MAP3K14: variants seen among roughly 807,000 people sequenced by gnomAD.
MAP3K14 encodes the protein mitogen-activated protein kinase kinase kinase 14, also known as NF-kappa-beta-inducing kinase.
MAP3K14 carries 16 observed loss-of-function variants against 99.2 expected under a neutral mutation model. The ratio of observed to expected loss-of-function variants is 0.16; its 90% CI spans 0.11 to 0.24. The LOEUF (loss-of-function observed/expected upper bound fraction) is 0.24, where lower values mean the gene tolerates loss of function less well. MAP3K14 is among the 10% of genes least tolerant of loss of function. MAP3K14 has a pLI of 1.00. For synonymous variants in MAP3K14, 462 were observed against 492.4 expected (o/e 0.94, Z 0.82); for missense variants, 784 against 1,208.7 (o/e 0.65, Z 5.21).
intron 1 of MAP3K14, among the ~76,000 whole-genome samples, chr17:45,312,654 G>A (rs995302016): frequency 4.6e-5 from 7 of 152,040 alleles, no homozygotes; most frequent in African/African-American, 1.7e-4. Flanking sequence ...TGATCCTCCC[G>A]CCTCAGCCTC....
chr17:45,301,167 C>CAA (rs757460582), intron 1 of MAP3K14, among the ~76,000 whole-genome samples: 45 of 96,190 alleles, frequency 4.7e-4, no homozygotes, highest in African/African-American at 1.4e-3. Flanking sequence ...GATCCTGTTT[C>CAA]AAAAAAAAAA....
chr17:45,274,649 C>T lies in MAP3K14; in HGVS notation c.1291-56G>A, dbSNP rs926467256. 3 of 1,584,888 alleles carry T rather than the reference C, an allele frequency of 1.9e-6. No homozygotes were observed. The African/African-American group carries it at 4.0e-5, about 21-fold the overall frequency. ...AGGGTGAGGGGACCAGAGCTGGGTC[C>T]CTGGCATCCTGTCAGCACCCTAGTG... On this transcript the variant is annotated intron_variant, in intron 6 of 15. Transcript: ENST00000344686.
chr17:45,288,379 GTTTTTTT>G (rs11410554), intron 3 of MAP3K14, among the ~76,000 whole-genome samples: 1 of 135,822 alleles, frequency 7.4e-6, no homozygotes, highest in Non-Finnish European at 1.6e-5. Context: ...TTGAACTCTT[GTTTTTTT>G]TTTTTTTTTT....
chr17:45,287,516 G>A (rs2044277348), intron 3 of MAP3K14, among the ~76,000 whole-genome samples, 152 bp from the exon 4 acceptor site: 1 of 152,126 alleles, frequency 6.6e-6, no homozygotes, highest in Non-Finnish European at 1.5e-5. Context: ...AAATCCCAAG[G>A]AACCTGTTTT....
At chr17:45,281,148 G>C (rs914393070) in intron 6 of MAP3K14, among the ~76,000 whole-genome samples, 23 of 152,026 alleles carry the variant, frequency 1.5e-4, no homozygotes, top group African/African-American at 5.1e-4. Context: ...CCAGGCTGGA[G>C]TGCAGTGGTA....
intron 1 of MAP3K14, among the ~76,000 whole-genome samples, chr17:45,294,004 T>C (rs2143837523): frequency 6.6e-6 from 1 of 152,364 alleles, no homozygotes; most frequent in Non-Finnish European, 1.5e-5. Flanking sequence ...CCCCAGCTCA[T>C]GGCCCTAACA....
chr17:45,287,267 C>A lies in MAP3K14; in HGVS notation c.424G>T (p.Ala142Ser), dbSNP rs374256640. 4.4e-5 allele frequency: 71 copies of A among 1,613,888 alleles called. No homozygotes were observed. The African/African-American group carries it at 8.8e-4, about 20-fold the overall frequency. The change falls in exon 4 of 16, where the codon GCC (alanine) becomes TCC (serine). Residue 142 changes from alanine (A) to serine (S), a missense_variant. By Grantham distance (99) the Ala-to-Ser change is moderately conservative. Transcript: ENST00000344686. ...CTCTTCTTCTTCCGTTTCTTCCGGG[C>A]TTTGCTGCGACGCTTTCCCTTCCAA... is the stretch of plus-strand genomic sequence containing the variant. The part of the protein sequence containing the change: ...VCWKGKRRSK[A>S]RKKRKKKSSK...
At position 45,281,188 on chromosome 17, in the gene MAP3K14, C is replaced by T. The variant is rs540594155; in HGVS notation, c.1290+3624G>A. Among the ~76,000 whole-genome samples the T allele has an allele frequency of 2.0e-5, 3 of 152,060 alleles. No homozygotes were observed. The South Asian group carries it at 6.2e-4, about 32-fold the overall frequency. On this transcript the variant is annotated intron_variant, in intron 6 of 15. Transcript: ENST00000344686. ...CTTGGCTCACTGCAGCCTCTACTTCCTGGGCTCAAGCGATCCTCCCACCTC... is the reference window on the plus strand; with the variant it reads ...CTTGGCTCACTGCAGCCTCTACTTCTTGGGCTCAAGCGATCCTCCCACCTC...
chr17:45,283,724 TG>T (rs2044241416), intron 6 of MAP3K14, among the ~76,000 whole-genome samples: 1 of 152,228 alleles, frequency 6.6e-6, no homozygotes, highest in Non-Finnish European at 1.5e-5. Context: ...ATGCTCTACC[TG>T]TATTTGTTGC....
At chr17:45,311,367 G>T (rs1291166988) in intron 1 of MAP3K14, among the ~76,000 whole-genome samples, 1 of 152,224 alleles carries the variant, frequency 6.6e-6, no homozygotes, top group Non-Finnish European at 1.5e-5. Context: ...AAGAGCTGCA[G>T]CTTCATTAAA....
At chr17:45,313,274 T>TTACTAC (rs377671447) in intron 1 of MAP3K14, among the ~76,000 whole-genome samples, 114 of 151,684 alleles carry the variant, frequency 7.5e-4, no homozygotes, top group African/African-American at 2.4e-3. Context: ...ACTGCTACTA[T>TTACTAC]TACTACTACT....
At chr17:45,292,802 G>A (rs2044320588) in intron 1 of MAP3K14, among the ~76,000 whole-genome samples, 1 of 152,180 alleles carries the variant, frequency 6.6e-6, no homozygotes, top group Non-Finnish European at 1.5e-5. Flanking sequence ...CAGCAGTAGG[G>A]AATGCTCACA....
chr17:45,316,195 T>C (rs1430571655), intron 1 of MAP3K14, among the ~76,000 whole-genome samples: 1 of 152,172 alleles, frequency 6.6e-6, no homozygotes, highest in African/African-American at 2.4e-5. Flanking sequence ...TAACCTCGAC[T>C]AGGAAGGAAA....
Position 45,267,810 on chromosome 17 carries a change from G to A in MAP3K14, c.1973-51C>T. 6.6e-7 allele frequency: 1 copy of A among 1,521,666 alleles called. No individual in the cohort carries two copies. The highest frequency in any genetic ancestry group is 8.9e-7 in the Non-Finnish European group (1 of 1,119,292). 94.3% of individuals were successfully genotyped at this position (1,521,666 alleles called of 1,614,324 possible). A position where few individuals can be genotyped will look rare whatever the true frequency, so the allele number is the denominator to read the frequency against. On this transcript the variant is annotated intron_variant, in intron 11 of 15. Coordinates refer to ENST00000344686, the MANE Select transcript of MAP3K14 (RefSeq NM_003954.5). The surrounding 1 kb of genome is among the most constrained non-coding windows in gnomAD (Gnocchi z 5.1). ...AGGGGAAGCGTGCTGTGCACAGACA[G>A]CGGTCCAGGCAGGAGCGGCCTCTCC...
chr17:45,295,932 T>C (rs761211251), intron 1 of MAP3K14, among the ~76,000 whole-genome samples: 42 of 152,316 alleles, frequency 2.8e-4, no homozygotes, highest in Non-Finnish European at 4.6e-4. Flanking sequence ...CCTTACCTAG[T>C]TCATGCAATG....
chr17:45,290,617 C>T lies in MAP3K14; in HGVS notation c.129G>A (p.Glu43=). The T allele has an allele frequency of 6.2e-7, 1 of 1,613,754 alleles. No individual in the cohort carries two copies. Among genetic ancestry groups the T allele is most frequent in the Non-Finnish European group, 8.5e-7 (1 of 1,179,856 alleles). ...AGAACACAGGGCTCTTCTCCACGGC[C>T]TCAAGCTTGTAGACGGAGCTCTGTT... ...GKKQSSVYKL[E]AVEKSPVFCG... is the part of the protein sequence containing the mutation. The change falls in exon 2 of 16, where the codon GAG becomes GAA. Residue 43 remains glutamate (E), a synonymous_variant. Coordinates refer to ENST00000344686, the MANE Select transcript of MAP3K14 (RefSeq NM_003954.5).
intron 1 of MAP3K14, among the ~76,000 whole-genome samples, chr17:45,316,129 T>C (rs2044529934): frequency 6.6e-6 from 1 of 152,234 alleles, no homozygotes; most frequent in Non-Finnish European, 1.5e-5. Flanking sequence ...TTTCACCACT[T>C]ATCCTCTCCC....
At chr17:45,276,553 C>G (rs1480062472) in intron 6 of MAP3K14, among the ~76,000 whole-genome samples, 1 of 152,092 alleles carries the variant, frequency 6.6e-6, no homozygotes, top group African/African-American at 2.4e-5. Flanking sequence ...GCTGTGTCGC[C>G]CAGGCTGGAG....
chr17:45,263,772 G>A lies in MAP3K14; in HGVS notation c.*864C>T, dbSNP rs2044041546. The A allele has an allele frequency of 1.3e-5, 2 of 152,546 alleles. No individual in the cohort carries two copies. Among genetic ancestry groups the A allele is most frequent in the Non-Finnish European group, 2.9e-5 (2 of 68,140 alleles). The allele number at this position is 152,546 out of a possible 1,614,324, so 9.4% of individuals were successfully genotyped here. The stretch of plus-strand genomic sequence containing the variant: ...TCTCTCTGCTGCTTTCCTTAGCACT[G>A]ATCATGTCCATCCACAGACTGTTCC... On this transcript the variant is annotated 3_prime_UTR_variant, in exon 16 of 16. Coordinates refer to ENST00000344686, the MANE Select transcript of MAP3K14 (RefSeq NM_003954.5).
Sources: gnomAD v4.1 joint callset for allele counts (sites outside exome capture counted in the v4.1 genomes callset) on GRCh38, gnomAD v4.1.1 for gene constraint, Gnocchi (gnomAD v3.1) non-coding constraint, MANE v1.5 for transcripts, NCBI Gene and HGNC (gene_info 2026-07-23, HGNC 2026-07-21) for gene names.